Variants in KRT28 observed in about 807,000 individuals in gnomAD.
The protein encoded by KRT28 is keratin, type I cytoskeletal 28.
KRT28 carries 45 observed loss-of-function variants against 48.1 expected under a neutral mutation model. The observed-to-expected ratio is 0.94, with a 90% CI of 0.74 to 1.20. The LOEUF (loss-of-function observed/expected upper bound fraction) is 1.20, where lower values mean the gene tolerates loss of function less well. KRT28 is among the 50% of genes most tolerant of loss of function. The pLI is 0.00. For synonymous variants in KRT28, 228 were observed against 227.4 expected (o/e 1.00, Z -0.03); for missense variants, 571 against 574.1 (o/e 0.99, Z 0.06).
chr17:40,798,103 C>A, intron 3 of KRT28, 132 bp downstream of exon 3: 1 of 779,536 alleles, frequency 1.3e-6, no homozygotes, highest in Non-Finnish European at 2.1e-6. Context: ...TATTATTAGA[C>A]TAATCTGTCT....
Position 40,799,019 on chromosome 17 carries a change from A to C in KRT28, c.451-20T>G. ...GATAATCTAGAATAAACCAAAACAG[A>C]GAACACAACAAGTAAGTATGCTTTT... On this transcript the variant is annotated intron_variant, in intron 1 of 7. Transcript: ENST00000306658. The C allele has an allele frequency of 7.2e-7, 1 of 1,385,326 alleles. No individual in the cohort carries two copies. Among genetic ancestry groups the C allele is most frequent in the South Asian group, 1.3e-5 (1 of 78,522 alleles). The allele number at this position is 1,385,326 out of a possible 1,614,324, so 85.8% of individuals were successfully genotyped here. A position where few individuals can be genotyped will look rare whatever the true frequency, so the allele number is the denominator to read the frequency against.
chr17:40,793,131 A>G, intron 7 of KRT28, 24 bp downstream of exon 7: 1 of 1,476,292 alleles, frequency 6.8e-7, no homozygotes, highest in Non-Finnish European at 9.2e-7. Flanking sequence ...AGAAAAGAAA[A>G]GAAATAGAAC....
At position 40,798,372 on chromosome 17, in the gene KRT28, G is replaced by T; in HGVS notation, c.553C>A (p.Leu185Ile). The T allele has an allele frequency of 1.2e-6, 2 of 1,608,106 alleles. No individual in the cohort carries two copies. Among genetic ancestry groups the T allele is most frequent in the Middle Eastern group, 1.7e-4 (1 of 6,044 alleles). Reference sequence around the variant, plus strand: ...ATGTCGGCCTCTACGTTTTGGTGAAGGGTGAGCTCATTTTCATACCTTGGG... The same window carrying T: ...ATGTCGGCCTCTACGTTTTGGTGAATGGTGAGCTCATTTTCATACCTTGGG... ...FRLKYENELT[L>I]HQNVEADING... Residue 185 changes from leucine to isoleucine, a missense_variant, in exon 3 of 8, where the codon CTT (leucine) becomes ATT (isoleucine). Leu to Ile is a conservative substitution (Grantham distance 5, BLOSUM62 2). Coordinates refer to ENST00000306658, the MANE Select transcript of KRT28 (RefSeq NM_181535.3).
Position 40,792,563 on chromosome 17 carries a change from G to A in KRT28, c.1259C>T (p.Ser420Phe). Residue 420 changes from serine (S) to phenylalanine (F), a missense_variant, in exon 8 of 8, where the codon TCC becomes TTC. Transcript: ENST00000306658. ...CACTGTCTTTACCAGTGTGGTTTTG[G>A]ATAAATCTAGAAATAAAACATAGGC... ...GSPGNSSKDL[S>F]KTTLVKTVVE... 6.2e-7 allele frequency: 1 copy of A among 1,603,310 alleles called. No homozygotes were observed. The highest frequency in any genetic ancestry group is 1.1e-5 in the South Asian group (1 of 88,720).
chr17:40,797,334 C>T, intron 3 of KRT28, 53 bp from the exon 4 acceptor site: 1 of 1,532,418 alleles, frequency 6.5e-7, no homozygotes, highest in Non-Finnish European at 8.9e-7. Flanking sequence ...CACACTCAGT[C>T]TGAGAAGTTC....
intron 5 of KRT28, among the ~76,000 whole-genome samples, chr17:40,794,848 T>G (rs1904576334): frequency 6.6e-6 from 1 of 152,202 alleles, no homozygotes; most frequent in African/African-American, 2.4e-5. Flanking sequence ...TTCCTTTTCT[T>G]GTGTGGAGGA....
At chr17:40,795,854 G>A (rs190062075) in intron 5 of KRT28, among the ~76,000 whole-genome samples, 1 of 152,268 alleles carries the variant, frequency 6.6e-6, no homozygotes, top group East Asian at 1.9e-4. Context: ...GAGTCCTCAG[G>A]GATCTAGTTC....
In KRT28 at chr17:40,796,924, T is replaced by G; in HGVS notation, c.970A>C (p.Met324Leu). ...QTLEIQLQSL[M>L]ATKHSLECSL... The stretch of plus-strand genomic sequence containing the variant: ...CCTTCGCTGTCACCTACCGTGGCCA[T>G]CAGGGACTGCAGCTGGATCTCCAGG... Residue 324 changes from methionine to leucine, a missense_variant, in exon 5 of 8, where the codon ATG becomes CTG. Transcript: ENST00000306658. 6.2e-7 allele frequency: 1 copy of G among 1,602,820 alleles called. No homozygotes were observed.
chr17:40,798,198 A>G (rs1904660163), intron 3 of KRT28, 37 bp downstream of exon 3: 4 of 1,569,688 alleles, frequency 2.5e-6, no homozygotes, highest in East Asian at 2.3e-5. Flanking sequence ...TAAAATGTAC[A>G]GAGTTGTGAT....
Position 40,796,787 on chromosome 17 carries a change from C to T in KRT28, c.978+129G>A, listed in dbSNP as rs893468043. On this transcript the variant is annotated intron_variant, in intron 5 of 7. Coordinates refer to ENST00000306658, the MANE Select transcript of KRT28 (RefSeq NM_181535.3). ...CTATGCATCTGTTTTTTCCTGCTCT[C>T]CTCCACTCTCTCTGCTAAGTATTTG... 6 of 1,261,588 alleles carry T rather than the reference C, an allele frequency of 4.8e-6. No individual in the cohort carries two copies. In the African/African-American group the frequency reaches 6.0e-5, roughly 13 times the overall value. The allele number at this position is 1,261,588 out of a possible 1,614,324, so 78.1% of individuals were successfully genotyped here.
intron 5 of KRT28, among the ~76,000 whole-genome samples, chr17:40,795,002 T>C (rs1904579446): frequency 6.6e-6 from 1 of 152,244 alleles, no homozygotes; most frequent in Admixed American, 6.5e-5. Flanking sequence ...TGCCTTTTTA[T>C]TGCATTTATG....
At chr17:40,794,913 C>T (rs1384890444) in intron 5 of KRT28, among the ~76,000 whole-genome samples, 1 of 152,174 alleles carries the variant, frequency 6.6e-6, no homozygotes, top group African/African-American at 2.4e-5. Flanking sequence ...AGATGCAAGG[C>T]TCTGCCTCTT....
chr17:40,799,082 C>A, intron 1 of KRT28, 83 bp from the exon 2 acceptor site: 1 of 858,916 alleles, frequency 1.2e-6, no homozygotes, highest in African/African-American at 1.7e-5. Context: ...AAAGGTTACT[C>A]AAGTTTTTGC....
rs756651666 is a variant in KRT28 at position 40,799,666 on chromosome 17, T to A, written c.228A>T (p.Gly76=). Residue 76 remains glycine (G), a synonymous_variant, in exon 1 of 8, where the codon GGA becomes GGT. Transcript: ENST00000306658. ...LGNAACIGFA[G]SEGGLLSGNE... ...TTCCAGAGAGGAGTCCCCCTTCGCT[T>A]CCAGCAAAGCCAATACAAGCAGCAT... 2.5e-6 allele frequency: 4 copies of A among 1,614,036 alleles called. No individual in the cohort carries two copies. The South Asian group carries it at 4.4e-5, about 18-fold the overall frequency.
Position 40,797,219 on chromosome 17 carries a change from C to T in KRT28, c.753G>A (p.Pro251=), listed in dbSNP as rs1198821641. ...GNVNVEMNAA[P]GVDLAVLLNN... is the part of the protein sequence containing the mutation. ...TCAACAAAACCGCGAGGTCTACCCC[C>T]GGGGCCGCGTTCATCTCCACGTTCA... Residue 251 remains proline (P), a synonymous_variant, in exon 4 of 8, where the codon CCG becomes CCA. Transcript: ENST00000306658. 4 of 1,614,186 alleles carry T rather than the reference C, an allele frequency of 2.5e-6. No homozygotes were observed. The highest frequency in any genetic ancestry group is 3.4e-6 in the Non-Finnish European group (4 of 1,180,028).
chr17:40,793,112 A>G, intron 7 of KRT28, 43 bp downstream of exon 7: 2 of 1,386,458 alleles, frequency 1.4e-6, no homozygotes, highest in South Asian at 2.6e-5. Flanking sequence ...AAAAATTTAA[A>G]AAAAGAAAAG....
chr17:40,798,404 T>G lies in KRT28; in HGVS notation c.534-13A>C. On this transcript the variant is annotated splice_polypyrimidine_tract_variant and intron_variant, in intron 2 of 7. Coordinates refer to ENST00000306658, the MANE Select transcript of KRT28 (RefSeq NM_181535.3). ...CTCATTTTCATACCTTGGGGGGCATTTAAGTGAATTTCAGTGCCAGTAAGA... is the reference window on the plus strand; with the variant it reads ...CTCATTTTCATACCTTGGGGGGCATGTAAGTGAATTTCAGTGCCAGTAAGA... The G allele has an allele frequency of 1.9e-6, 3 of 1,588,632 alleles. No individual in the cohort carries two copies. Among genetic ancestry groups the G allele is most frequent in the Non-Finnish European group, 2.6e-6 (3 of 1,163,150 alleles).
chr17:40,799,614 T>G lies in KRT28; in HGVS notation c.280A>C (p.Asn94His). The change falls in exon 1 of 8, where the codon AAT (asparagine) becomes CAT (histidine). Residue 94 changes from asparagine (N) to histidine (H), a missense_variant. Coordinates refer to ENST00000306658, the MANE Select transcript of KRT28 (RefSeq NM_181535.3). ...TCCAGGTAGGATGCCAAGCGGTCAT[T>G]AAGATTTTGCATGGTCACCTTCTCA... Reference protein sequence around the residue: ...GNEKVTMQNLNDRLASYLDNV... With the variant: ...GNEKVTMQNLHDRLASYLDNV... 1 of 1,614,058 alleles carries G rather than the reference T, an allele frequency of 6.2e-7. No homozygotes were observed. The highest frequency in any genetic ancestry group is 8.5e-7 in the Non-Finnish European group (1 of 1,179,986).
chr17:40,799,896 T>G lies in KRT28; in HGVS notation c.-3A>C. On this transcript the variant is annotated 5_prime_UTR_variant, in exon 1 of 8. Coordinates refer to ENST00000306658, the MANE Select transcript of KRT28 (RefSeq NM_181535.3). ...CCATTAGAAAATTGGAGAGACATGG[T>G]GTTTTGAGAAATGTTCACCTTGTCT... 6.2e-7 allele frequency: 1 copy of G among 1,604,750 alleles called. No homozygotes were observed. The highest frequency in any genetic ancestry group is 8.5e-7 in the Non-Finnish European group (1 of 1,175,752).
Sources: gnomAD v4.1 joint callset for allele counts (sites outside exome capture counted in the v4.1 genomes callset) on GRCh38, gnomAD v4.1.1 for gene constraint, MANE v1.5 for transcripts, NCBI Gene and HGNC (gene_info 2026-07-23, HGNC 2026-07-21) for gene names.